GCSAML: variants seen among roughly 807,000 people sequenced by gnomAD.
The protein encoded by GCSAML is germinal center-associated signaling and motility-like protein.
In GCSAML, 9 loss-of-function variants were observed where a neutral mutation model predicts 13.0. That is an observed-to-expected ratio of 0.69 (90% CI 0.42 to 1.21). The LOEUF is 1.21. Among genes scored for constraint, GCSAML ranks in the 50% most tolerant of loss-of-function variants. GCSAML has a pLI of 0.00. For synonymous variants in GCSAML, 37 were observed against 52.9 expected, an observed-to-expected ratio of 0.70 and a Z score of 1.31; for missense variants, 143 against 153.4, an observed-to-expected ratio of 0.93 and a Z score of 0.36.
chr1:247,558,845 G>C (rs1668034890), intron 2 of GCSAML, among the ~76,000 whole-genome samples: 1 of 152,042 alleles, frequency 6.6e-6, no homozygotes, highest in African/African-American at 2.4e-5. Context: ...GACCTGAGTA[G>C]TTTTTAAATT....
chr1:247,515,888 A>G (rs966399122), intron 1 of GCSAML, among the ~76,000 whole-genome samples: 1 of 152,208 alleles, frequency 6.6e-6, no homozygotes, highest in East Asian at 1.9e-4. Flanking sequence ...TAAACCCAGC[A>G]GTGATCAGAC....
At chr1:247,537,859 G>A (rs578024952) in intron 2 of GCSAML, among the ~76,000 whole-genome samples, 2 of 152,092 alleles carry the variant, frequency 1.3e-5, no homozygotes, top group African/African-American at 4.8e-5. Context: ...TTGTCTTTTT[G>A]TAAGTGTTCC....
At chr1:247,550,165 T>C (rs989757846) in intron 1 of GCSAML, among the ~76,000 whole-genome samples, 2 of 152,144 alleles carry the variant, frequency 1.3e-5, no homozygotes, top group Non-Finnish European at 2.9e-5. Context: ...GAGGACTCTC[T>C]GGAATGGGGG....
intron 2 of GCSAML, among the ~76,000 whole-genome samples, chr1:247,562,486 A>G (rs773806299): frequency 3.9e-5 from 6 of 152,150 alleles, no homozygotes; most frequent in Admixed American, 6.5e-5. Flanking sequence ...CTTGCTTGGC[A>G]GTGCCAGACA....
intron 2 of GCSAML, chr1:247,529,271 C>T (rs1229026967): frequency 2.6e-5 from 4 of 152,204 alleles, no homozygotes; most frequent in Non-Finnish European, 4.4e-5. Context: ...CCTGCAATAT[C>T]ACCTGTAACC....
intron 4 of GCSAML, among the ~76,000 whole-genome samples, chr1:247,566,512 G>C (rs1479591766): frequency 6.6e-6 from 1 of 152,170 alleles, no homozygotes; most frequent in Non-Finnish European, 1.5e-5. Context: ...CAAAGTGCAG[G>C]GGTAACAGGC....
At chr1:247,509,670 C>T (rs1332896758) in intron 1 of GCSAML, among the ~76,000 whole-genome samples, 6 of 152,110 alleles carry the variant, frequency 3.9e-5, no homozygotes, top group Non-Finnish European at 8.8e-5. Flanking sequence ...TTTTGAGATG[C>T]ATTCCATCAG....
intron 1 of GCSAML, among the ~76,000 whole-genome samples, chr1:247,521,113 A>ATT (rs68098651): frequency 2.1e-4 from 29 of 136,892 alleles, no homozygotes; most frequent in African/African-American, 7.0e-4. Context: ...ACATTCTTGC[A>ATT]TTTTTTTTTT....
chr1:247,539,191 C>T (rs1394413910), intron 2 of GCSAML, among the ~76,000 whole-genome samples: 1 of 151,968 alleles, frequency 6.6e-6, no homozygotes, highest in African/African-American at 2.4e-5. Context: ...GTGAGGTGGT[C>T]CAAGGTGTAG....
intron 1 of GCSAML, among the ~76,000 whole-genome samples, chr1:247,516,704 G>A (rs1398903804): frequency 6.6e-6 from 1 of 152,018 alleles, no homozygotes; most frequent in Non-Finnish European, 1.5e-5. Flanking sequence ...GCAGAGCTAT[G>A]GAAAACAAGA....
intron 1 of GCSAML, among the ~76,000 whole-genome samples, chr1:247,520,191 G>A (rs1336687510): frequency 2.0e-5 from 3 of 152,108 alleles, no homozygotes; most frequent in Admixed American, 6.5e-5. Context: ...TTGTGTCAAC[G>A]TGACTAGGCT....
upstream of GCSAML, among the ~76,000 whole-genome samples, chr1:247,548,720 G>T (rs150459742): frequency 2.2e-3 from 333 of 152,308 alleles, no homozygotes; most frequent in African/African-American, 7.7e-3. The surrounding 1 kb of genome is among the most constrained non-coding windows in gnomAD (Gnocchi z 5.3). Context: ...GTTTGCCTAA[G>T]AAATCATGAA....
rs149579582 is a variant in GCSAML at position 247,564,986 on chromosome 1, G to A, written c.140-945G>A. 1.8e-4 allele frequency among the ~76,000 whole-genome samples: 27 copies of A among 152,240 alleles called. No individual in the cohort carries two copies. In the East Asian group the frequency reaches 4.6e-3, roughly 26 times the overall value. On this transcript the variant is annotated intron_variant, in intron 3 of 4. Transcript: ENST00000366488. ...ATATTTCATGATCTAGACATCAAAA[G>A]CAATTGTAAGAAAAGCAGAAATGGA...
intron 2 of GCSAML, among the ~76,000 whole-genome samples, chr1:247,560,470 G>A (rs184439802): frequency 3.9e-5 from 6 of 152,168 alleles, no homozygotes; most frequent in Admixed American, 2.6e-4. Context: ...ACCTTAAGCC[G>A]CCTTCCTGAT....
intron 2 of GCSAML, among the ~76,000 whole-genome samples, chr1:247,560,651 G>A (rs1668096247): frequency 6.6e-6 from 1 of 151,868 alleles, no homozygotes; most frequent in Admixed American, 6.6e-5. Flanking sequence ...CATATTGAAG[G>A]TACACAATAT....
chr1:247,526,596 A>C lies in GCSAML; in HGVS notation c.-262-344A>C, dbSNP rs1666692232. 5.1e-6 allele frequency: 1 copy of C among 196,842 alleles called. No homozygotes were observed. The highest frequency in any genetic ancestry group is 2.4e-5 in the African/African-American group (1 of 42,258). 12.2% of individuals were successfully genotyped at this position (196,842 alleles called of 1,614,324 possible). The stretch of plus-strand genomic sequence containing the variant: ...ATGTGGCCTGGGTCCTTCACTCTCC[A>C]CATTTCTCAGCTGTGCATGCTGTGG... On this transcript the variant is annotated intron_variant, in intron 1 of 5. Transcript: ENST00000366489. This position sits in a 1 kb window ranked among gnomAD's most constrained non-coding sequence, Gnocchi z 4.8.
intron 2 of GCSAML, among the ~76,000 whole-genome samples, chr1:247,540,747 G>C (rs1374247566): frequency 6.6e-6 from 1 of 152,198 alleles, no homozygotes; most frequent in Non-Finnish European, 1.5e-5. Flanking sequence ...TTTCTGCAAC[G>C]CGTCAGAAGG....
intron 2 of GCSAML, among the ~76,000 whole-genome samples, chr1:247,534,573 C>T (rs544896228): frequency 8.5e-5 from 13 of 152,276 alleles, no homozygotes; most frequent in Middle Eastern, 3.4e-3. Context: ...AGTGTGCTTC[C>T]GATGTCCCTG....
In GCSAML at chr1:247,574,444, C is replaced by T. The variant is rs569677152; in HGVS notation, c.*62C>T. The T allele has an allele frequency of 1.8e-5, 29 of 1,576,070 alleles. No individual in the cohort carries two copies. In the East Asian group the frequency reaches 4.5e-4, roughly 24 times the overall value. The stretch of plus-strand genomic sequence containing the variant: ...GACAATGCAGAATAGCAGACTCTGG[C>T]GAAGTTGTTCACCCTGAGCAGTGCA... On this transcript the variant is annotated 3_prime_UTR_variant, in exon 5 of 5. Coordinates refer to ENST00000366488, the MANE Select transcript of GCSAML (RefSeq NM_145278.5).
Sources: gnomAD v4.1 joint callset for allele counts (sites outside exome capture counted in the v4.1 genomes callset) on GRCh38, gnomAD v4.1.1 for gene constraint, Gnocchi (gnomAD v3.1) non-coding constraint, MANE v1.5 for transcripts, NCBI Gene and HGNC (gene_info 2026-07-23, HGNC 2026-07-21) for gene names.